The following CASR variants were observed in gnomAD, a reference collection of about 807,000 sequenced individuals.
CASR encodes calcium sensing receptor, also known as extracellular calcium-sensing receptor.
CASR carries 23 observed loss-of-function variants against 69.1 expected under a neutral mutation model. The observed-to-expected ratio is 0.33, with a 90% CI of 0.24 to 0.47. The LOEUF is 0.47. CASR is among the 20% of genes least tolerant of loss of function. The pLI, the probability that CASR is intolerant of heterozygous loss-of-function variation, is 1.00. For synonymous variants in CASR, 541 were observed against 544.7 expected, an observed-to-expected ratio of 0.99 and a Z score of 0.10; for missense variants, 924 against 1,356.1, an observed-to-expected ratio of 0.68 and a Z score of 5.00.
At chr3:122,278,999 A>T (rs897521247) in intron 5 of CASR, among the ~76,000 whole-genome samples, 9 of 152,216 alleles carry the variant, frequency 5.9e-5, no homozygotes, top group African/African-American at 2.2e-4. Flanking sequence ...GTGCGTCCCC[A>T]TGACTAAATC....
At chr3:122,195,905 A>G (rs2073884881) in intron 1 of CASR, among the ~76,000 whole-genome samples, 1 of 152,192 alleles carries the variant, frequency 6.6e-6, no homozygotes, top group Admixed American at 6.5e-5. Context: ...CTGGAGGGCA[A>G]TTTAGCAATA....
intron 1 of CASR, among the ~76,000 whole-genome samples, chr3:122,241,055 G>C (rs1027266632): frequency 1.3e-5 from 2 of 151,954 alleles, no homozygotes; most frequent in African/African-American, 4.8e-5. Context: ...AAAATTGAAA[G>C]ATACAAGTGC....
At chr3:122,282,318 G>A (rs2074901987) in intron 6 of CASR, 82 bp downstream of exon 6, 1 of 1,352,762 alleles carries the variant, frequency 7.4e-7, no homozygotes, top group African/African-American at 1.4e-5. Context: ...GGAAGGGCTG[G>A]GCTGAGATGG....
intron 1 of CASR, among the ~76,000 whole-genome samples, chr3:122,200,217 T>G (rs1211292054): frequency 1.3e-5 from 2 of 152,228 alleles, no homozygotes; most frequent in Non-Finnish European, 2.9e-5. Flanking sequence ...GAAGAGCAGA[T>G]TTTGAAAGCT....
intron 3 of CASR, 53 bp from the exon 4 acceptor site, chr3:122,261,475 G>T: frequency 6.4e-7 from 1 of 1,565,670 alleles, no homozygotes. Flanking sequence ...GGCTCACTCA[G>T]CACCTCTTCA....
chr3:122,207,572 A>G (rs942972442), intron 1 of CASR, among the ~76,000 whole-genome samples: 2 of 152,138 alleles, frequency 1.3e-5, no homozygotes, highest in African/African-American at 4.8e-5. Flanking sequence ...TCTGAACACC[A>G]ATGAGTCAAT....
chr3:122,227,901 G>T (rs964631466), intron 1 of CASR, among the ~76,000 whole-genome samples: 20 of 152,080 alleles, frequency 1.3e-4, no homozygotes, highest in African/African-American at 4.8e-4. Flanking sequence ...ATAAAAACTA[G>T]TTAAAAATAA....
At chr3:122,188,959 G>C (rs1204062705) in intron 1 of CASR, among the ~76,000 whole-genome samples, 2 of 152,208 alleles carry the variant, frequency 1.3e-5, no homozygotes, top group African/African-American at 2.4e-5. Flanking sequence ...AGTGTTTGTT[G>C]AAAAGCTGCC....
In CASR at chr3:122,284,113, G is replaced by C; in HGVS notation, c.2159G>C (p.Gly720Ala). The stretch of plus-strand genomic sequence containing the variant: ...ACCAGCTTCCACCGCAAGTGGTGGG[G>C]GCTCAACCTGCAGTTCCTGCTGGTT... The part of the protein sequence containing the change: ...IPTSFHRKWW[G>A]LNLQFLLVFL... Residue 720 changes from glycine to alanine, a missense_variant, in exon 7 of 7, where the codon GGG (glycine) becomes GCG (alanine). Physicochemically the swap from Gly to Ala is moderately conservative, Grantham distance 60. Around this residue, in one of 8 missense-constraint regions of CASR, gnomAD observed 184 missense variants for 278.8 expected, o/e 0.66. Coordinates refer to ENST00000639785, the MANE Select transcript of CASR (RefSeq NM_000388.4). 1 of 1,614,044 alleles carries C rather than the reference G, an allele frequency of 6.2e-7. No individual in the cohort carries two copies. Among genetic ancestry groups the C allele is most frequent in the South Asian group, 1.1e-5 (1 of 91,076 alleles).
chr3:122,247,538 C>T (rs1026703637), intron 1 of CASR: 1 of 152,192 alleles, frequency 6.6e-6, no homozygotes, highest in Non-Finnish European at 1.5e-5. Context: ...GCAGAGCTGA[C>T]TTAAGGCATA....
rs1486040073 is a variant in CASR, at chr3:122,290,081, A to C, written c.*4890A>C. ...CTGGGTGACAGAGCAAGACCCTGCC[A>C]AAAAAAAAAAAAAAGAAGAAGAAAA... On this transcript the variant is annotated 3_prime_UTR_variant, in exon 7 of 7. Transcript: ENST00000639785. 7.6e-6 allele frequency: 1 copy of C among 132,292 alleles called. No individual in the cohort carries two copies. The highest frequency in any genetic ancestry group is 1.6e-5 in the Non-Finnish European group (1 of 61,602). The allele number at this position is 132,292 out of a possible 1,614,324, so 8.2% of individuals were successfully genotyped here.
intron 1 of CASR, among the ~76,000 whole-genome samples, chr3:122,250,813 A>C (rs1473370831): frequency 6.6e-6 from 1 of 152,224 alleles, no homozygotes; most frequent in Non-Finnish European, 1.5e-5. Flanking sequence ...TGCAGGACAA[A>C]GTTGAATTTA....
chr3:122,271,968 A>C (rs548978191), intron 4 of CASR, among the ~76,000 whole-genome samples: 2 of 152,266 alleles, frequency 1.3e-5, no homozygotes, highest in Admixed American at 1.3e-4. Flanking sequence ...CATTTTATTT[A>C]TCTGTTTACC....
At chr3:122,246,779 T>C (rs2074432053) in intron 1 of CASR, 2 of 152,238 alleles carry the variant, frequency 1.3e-5, no homozygotes, top group South Asian at 4.1e-4. Context: ...CACCACCACA[T>C]GTCCCCAGTG....
At chr3:122,270,821 G>C (rs1014871391) in intron 4 of CASR, among the ~76,000 whole-genome samples, 1 of 151,860 alleles carries the variant, frequency 6.6e-6, no homozygotes, top group Non-Finnish European at 1.5e-5. Context: ...ACATTTTTCT[G>C]TTATTTGTTT....
At chr3:122,205,321 T>C (rs779324004) in intron 1 of CASR, among the ~76,000 whole-genome samples, 1 of 152,142 alleles carries the variant, frequency 6.6e-6, no homozygotes, top group South Asian at 2.1e-4. Flanking sequence ...CAGCACCACT[T>C]ATTGAAGAGA....
At chr3:122,256,373 T>A (rs1240136114) in intron 2 of CASR, among the ~76,000 whole-genome samples, 1 of 152,248 alleles carries the variant, frequency 6.6e-6, no homozygotes, top group Admixed American at 6.5e-5. Flanking sequence ...TTCTTGTACA[T>A]CTACATATTG....
intron 1 of CASR, among the ~76,000 whole-genome samples, chr3:122,235,849 A>T (rs1013851026): frequency 3.3e-5 from 5 of 152,256 alleles, no homozygotes; most frequent in Admixed American, 6.5e-5. Context: ...TTTAGGAAAC[A>T]CAATTTTTAG....
At chr3:122,235,016 C>T (rs1263691862) in intron 1 of CASR, among the ~76,000 whole-genome samples, 1 of 152,100 alleles carries the variant, frequency 6.6e-6, no homozygotes, top group African/African-American at 2.4e-5. Flanking sequence ...AGAAAGAGCC[C>T]CTGAAGAGCT....
Sources: gnomAD v4.1 joint callset for allele counts (sites outside exome capture counted in the v4.1 genomes callset) on GRCh38, gnomAD v4.1.1 for gene constraint, gnomAD v4.1.1 regional missense constraint, MANE v1.5 for transcripts, NCBI Gene and HGNC (gene_info 2026-07-23, HGNC 2026-07-21) for gene names.